The following MYO18B variants were observed in gnomAD, a reference collection of about 807,000 sequenced individuals.
The protein encoded by MYO18B is unconventional myosin-XVIIIb.
In MYO18B, 204 loss-of-function variants were observed where a neutral mutation model predicts 273.0. The observed-to-expected ratio is 0.75, with a 90% CI of 0.67 to 0.84. MYO18B has a LOEUF of 0.84. Among genes scored for constraint, MYO18B ranks in the 40% least tolerant of loss-of-function variants. The probability of loss-of-function intolerance (pLI) is 0.00; values close to 1 mark genes in which losing one functional copy is unlikely to be tolerated. For synonymous variants in MYO18B, 1,330 were observed against 1,305.7 expected (o/e 1.02, Z -0.40); for missense variants, 3,212 against 3,287.6 (o/e 0.98, Z 0.56).
chr22:25,977,996 C>G (rs1489930066), intron 39 of MYO18B, among the ~76,000 whole-genome samples: 1 of 152,102 alleles, frequency 6.6e-6, no homozygotes, highest in Non-Finnish European at 1.5e-5. Flanking sequence ...GCATGCTACC[C>G]AAGTTATGAA....
At chr22:26,050,599 G>A in the MYO18B span, among the ~76,000 whole-genome samples, 2 of 152,270 alleles carry the variant, frequency 1.3e-5, no homozygotes, top group South Asian at 4.2e-4. Flanking sequence ...TTTCTCGACA[G>A]GGCACGTAGG....
intron 12 of MYO18B, among the ~76,000 whole-genome samples, chr22:25,819,279 C>T (rs2145869918): frequency 6.6e-6 from 1 of 152,344 alleles, no homozygotes; most frequent in African/African-American, 2.4e-5. Context: ...AGCCAGCATC[C>T]ATTAACCACT....
chr22:25,868,700 C>T (rs2090961785), intron 22 of MYO18B, among the ~76,000 whole-genome samples: 1 of 152,286 alleles, frequency 6.6e-6, no homozygotes, highest in African/African-American at 2.4e-5. Context: ...TGCCATAAAA[C>T]CTGAGAAGAA....
At chr22:25,921,158 G>A (rs1601579319) in intron 33 of MYO18B, 99 bp from the exon 34 acceptor site, 5 of 1,234,502 alleles carry the variant, frequency 4.1e-6, no homozygotes, top group Non-Finnish European at 3.3e-6. Context: ...GGTGTGAGTG[G>A]CAGAGGCAGG....
chr22:26,013,970 T>C (rs773687949), intron 42 of MYO18B, among the ~76,000 whole-genome samples: 1 of 152,168 alleles, frequency 6.6e-6, no homozygotes, highest in African/African-American at 2.4e-5. Flanking sequence ...ACTCTCTTAA[T>C]GGTTTATTTT....
At position 25,898,320 on chromosome 22, in the gene MYO18B, A is replaced by C; in HGVS notation, c.4682A>C (p.Gln1561Pro). The C allele has an allele frequency of 6.2e-7, 1 of 1,613,572 alleles. No homozygotes were observed. The change falls in exon 29 of 44, where the codon CAA becomes CCA. Residue 1561 changes from glutamine (Q) to proline (P), a missense_variant. Coordinates refer to ENST00000335473, the MANE Select transcript of MYO18B (RefSeq NM_032608.7). ...KELEQKLGELQSAYDGAKKMA... is the reference protein window; with the variant it reads ...KELEQKLGELPSAYDGAKKMA... The stretch of plus-strand genomic sequence containing the variant: ...TTACTCTTACAGCTTGGGGAGTTGC[A>C]AAGTGCTTATGACGGGGCCAAGAAG...
intron 39 of MYO18B, among the ~76,000 whole-genome samples, chr22:25,963,732 A>G (rs927291545): frequency 6.6e-6 from 1 of 151,546 alleles, no homozygotes; most frequent in African/African-American, 2.4e-5. Flanking sequence ...AAGCAACTCA[A>G]TTTCCTCATC....
Position 25,921,391 on chromosome 22 carries a change from G to C in MYO18B, c.5499G>C (p.Leu1833=). The C allele has an allele frequency of 6.2e-7, 1 of 1,601,750 alleles. No homozygotes were observed. The highest frequency in any genetic ancestry group is 8.5e-7 in the Non-Finnish European group (1 of 1,174,320). ...DGKTSVSKEE[L]EKVHSQLEQS... ...AGACATCAGTCAGCAAGGAGGAGCTGGAGAAAGTGCACAGCCAGGTGGGTG... is the reference window on the plus strand; with the variant it reads ...AGACATCAGTCAGCAAGGAGGAGCTCGAGAAAGTGCACAGCCAGGTGGGTG... Residue 1833 remains leucine, a synonymous_variant, in exon 34 of 44, where the codon CTG becomes CTC. Transcript: ENST00000335473.
At chr22:25,812,917 T>G (rs1451097948) in intron 12 of MYO18B, among the ~76,000 whole-genome samples, 1 of 152,200 alleles carries the variant, frequency 6.6e-6, no homozygotes, top group East Asian at 1.9e-4. Context: ...CCTGAGCCAG[T>G]GTTCTGTTGA....
intron 40 of MYO18B, among the ~76,000 whole-genome samples, chr22:25,999,474 C>A (rs1933683142): frequency 6.6e-6 from 1 of 151,680 alleles, no homozygotes; most frequent in Non-Finnish European, 1.5e-5. Flanking sequence ...ATCATCAACA[C>A]CCTGTTTATA....
intron 12 of MYO18B, among the ~76,000 whole-genome samples, chr22:25,816,889 C>T (rs1325291557): frequency 6.6e-6 from 1 of 152,206 alleles, no homozygotes; most frequent in East Asian, 1.9e-4. Flanking sequence ...GAATTGTAAA[C>T]CTCTGTGTGA....
intron 12 of MYO18B, among the ~76,000 whole-genome samples, chr22:25,806,283 A>G (rs530421977): frequency 6.6e-6 from 1 of 152,074 alleles, no homozygotes; most frequent in African/African-American, 2.4e-5. Context: ...AACGACAACC[A>G]CTCGGCTACT....
intron 31 of MYO18B, among the ~76,000 whole-genome samples, chr22:25,906,439 C>T (rs2092045849): frequency 6.6e-6 from 1 of 152,196 alleles, no homozygotes; most frequent in Non-Finnish European, 1.5e-5. Flanking sequence ...CTGACGTACA[C>T]TATCCTTTTG....
rs1016478498 is a variant in MYO18B at position 26,027,577 on chromosome 22, G to T, written c.7603G>T (p.Gly2535Cys). 9 of 1,613,876 alleles carry T rather than the reference G, an allele frequency of 5.6e-6. No individual in the cohort carries two copies. The highest frequency in any genetic ancestry group is 1.7e-6 in the Non-Finnish European group (2 of 1,179,904). Reference sequence around the variant, plus strand: ...TCGACCAGGAATCCCACGACTTGCGGGTGACGGTGGCGAGCGAACGTCCCC... The same window carrying T: ...TCGACCAGGAATCCCACGACTTGCGTGTGACGGTGGCGAGCGAACGTCCCC... ...KSRPGIPRLAGDGGERTSPER... is the reference protein window; with the variant it reads ...KSRPGIPRLACDGGERTSPER... The change falls in exon 43 of 44, where the codon GGT becomes TGT. Residue 2535 changes from glycine to cysteine, a missense_variant. Gly to Cys is a radical substitution (Grantham distance 159). Coordinates refer to ENST00000335473, the MANE Select transcript of MYO18B (RefSeq NM_032608.7). The surrounding 1 kb of genome is among the most constrained non-coding windows in gnomAD (Gnocchi z 4.1).
chr22:25,931,806 C>T (rs919793980), intron 34 of MYO18B, among the ~76,000 whole-genome samples: 1 of 151,262 alleles, frequency 6.6e-6, no homozygotes, highest in African/African-American at 2.4e-5. Flanking sequence ...CCTCAGCCTC[C>T]CAAGTAGCTG....
intron 21 of MYO18B, among the ~76,000 whole-genome samples, chr22:25,858,887 A>G (rs2146091251): frequency 6.6e-6 from 1 of 152,336 alleles, no homozygotes; most frequent in Non-Finnish European, 1.5e-5. Context: ...GGTTAAGGAT[A>G]CAGATTCTGG....
At chr22:25,835,537 G>A in intron 17 of MYO18B, 94 bp downstream of exon 17, 1 of 1,491,304 alleles carries the variant, frequency 6.7e-7, no homozygotes, top group African/African-American at 1.4e-5. Context: ...GACAAGGCCT[G>A]CACAGAGGCT....
chr22:25,800,983 C>T lies in MYO18B; in HGVS notation c.2521+2886C>T, dbSNP rs192630086. ...CGTCAGTCTGCCTGGGAGGCCTGCC[C>T]GATGATTTACTTACTTATATATTCT... On this transcript the variant is annotated intron_variant, in intron 12 of 43. Transcript: ENST00000335473. Among the ~76,000 whole-genome samples the T allele has an allele frequency of 2.0e-4, 30 of 152,226 alleles. No homozygotes were observed. In the East Asian group the frequency reaches 4.8e-3, roughly 24 times the overall value.
chr22:25,820,391 T>C (rs1027692338), intron 12 of MYO18B, among the ~76,000 whole-genome samples: 7 of 152,130 alleles, frequency 4.6e-5, no homozygotes, highest in Non-Finnish European at 7.4e-5. Flanking sequence ...ATAAGCCAGA[T>C]TGGTTCTTCA....
Sources: allele counts gnomAD v4.1 joint callset (sites outside exome capture counted in the v4.1 genomes callset), GRCh38; gene constraint gnomAD v4.1.1; non-coding constraint Gnocchi (gnomAD v3.1); transcripts MANE v1.5; gene names NCBI Gene and HGNC (gene_info 2026-07-23, HGNC 2026-07-21).